The following B3GALT1 variants were observed in gnomAD, a reference collection of about 807,000 sequenced individuals.
B3GALT1 encodes the protein beta-1,3-galactosyltransferase 1, also known as UDP-Gal:betaGlcNAc beta 1,3-galactosyltransferase, polypeptide 1.
Under a neutral mutation model 23.2 loss-of-function variants are expected in B3GALT1, and 10 were observed. The ratio of observed to expected loss-of-function variants is 0.43; its 90% CI spans 0.27 to 0.73. The LOEUF (loss-of-function observed/expected upper bound fraction) is 0.73, where lower values mean the gene tolerates loss of function less well. B3GALT1 is among the 30% of genes least tolerant of loss of function. The probability of loss-of-function intolerance (pLI) is 0.21; values close to 1 mark genes in which losing one functional copy is unlikely to be tolerated. For synonymous variants in B3GALT1, 156 were observed against 141.5 expected (o/e 1.10, Z -0.73); for missense variants, 299 against 405.4 (o/e 0.74, Z 2.25).
intron 1 of B3GALT1, among the ~76,000 whole-genome samples, chr2:167,455,520 A>G (rs1699155122): frequency 6.6e-6 from 1 of 151,956 alleles, no homozygotes; most frequent in Non-Finnish European, 1.5e-5. Flanking sequence ...ATTTTTATTT[A>G]TGTGTTCTTC....
chr2:167,385,143 C>T (rs1044205975), intron 1 of B3GALT1, among the ~76,000 whole-genome samples: 6 of 152,148 alleles, frequency 3.9e-5, no homozygotes, highest in African/African-American at 1.4e-4. Context: ...GATCTCAGAA[C>T]CTCTGCTTTC....
chr2:167,543,889 A>C (rs1019326158), intron 2 of B3GALT1, among the ~76,000 whole-genome samples: 2 of 152,236 alleles, frequency 1.3e-5, no homozygotes, highest in Admixed American at 6.5e-5. Context: ...TTTTCCTTAC[A>C]TAACAAGAAG....
chr2:167,468,106 T>A (rs967373839), intron 1 of B3GALT1, among the ~76,000 whole-genome samples: 2 of 152,144 alleles, frequency 1.3e-5, no homozygotes, highest in Non-Finnish European at 2.9e-5. Flanking sequence ...AGCATATTTT[T>A]CTGGAGTGAT....
chr2:167,496,149 A>G (rs1240481843), intron 2 of B3GALT1, among the ~76,000 whole-genome samples: 1 of 152,116 alleles, frequency 6.6e-6, no homozygotes, highest in Non-Finnish European at 1.5e-5. Flanking sequence ...ACAGTAAATT[A>G]TTTTTATCAC....
intron 1 of B3GALT1, among the ~76,000 whole-genome samples, chr2:167,296,324 C>T (rs761892490): frequency 2.6e-5 from 4 of 152,070 alleles, no homozygotes; most frequent in Non-Finnish European, 5.9e-5. Flanking sequence ...AGTGTTTGTA[C>T]GTGAATAGGT....
At chr2:167,323,835 ATTC>A (rs1466404490) in intron 1 of B3GALT1, among the ~76,000 whole-genome samples, 4 of 151,100 alleles carry the variant, frequency 2.6e-5, no homozygotes, top group African/African-American at 9.7e-5. Context: ...ACATTCAGAA[ATTC>A]TTATTTTTTT....
chr2:167,828,760 C>A (rs1472350057), intron 4 of B3GALT1, among the ~76,000 whole-genome samples: 2 of 152,140 alleles, frequency 1.3e-5, no homozygotes, highest in Non-Finnish European at 2.9e-5. Context: ...AACAACCAAC[C>A]CTGTGTGGTT....
chr2:167,621,191 C>G (rs1453667657), intron 2 of B3GALT1, among the ~76,000 whole-genome samples: 1 of 148,572 alleles, frequency 6.7e-6, no homozygotes, highest in African/African-American at 2.5e-5. Context: ...GGGGCTCAAG[C>G]AATCCTGCCA....
At chr2:167,733,532 A>G (rs1687443149) in intron 3 of B3GALT1, among the ~76,000 whole-genome samples, 1 of 152,116 alleles carries the variant, frequency 6.6e-6, no homozygotes, top group African/African-American at 2.4e-5. Flanking sequence ...AGCCCTGAAT[A>G]GTTTCTCACT....
chr2:167,809,073 A>C (rs1688822925), intron 3 of B3GALT1, among the ~76,000 whole-genome samples: 1 of 152,194 alleles, frequency 6.6e-6, no homozygotes, highest in African/African-American at 2.4e-5. Context: ...CAGTTGATCG[A>C]ATCAGCTACT....
At chr2:167,663,276 A>G (rs1686104491) in intron 3 of B3GALT1, among the ~76,000 whole-genome samples, 1 of 152,016 alleles carries the variant, frequency 6.6e-6, no homozygotes, top group Admixed American at 6.6e-5. Flanking sequence ...ATGTCCCTAC[A>G]AAGGACATTA....
At position 167,327,577 on chromosome 2, in the gene B3GALT1, C is replaced by T. The variant is rs181470217; in HGVS notation, c.-511+34243C>T. Among the ~76,000 whole-genome samples the T allele has an allele frequency of 2.7e-3, 405 of 151,746 alleles. 2 individuals are homozygous for T. The highest frequency in any genetic ancestry group is 4.8e-3 in the Non-Finnish European group (326 of 67,784). Reference sequence around the variant, plus strand: ...TGATTTTTGTATGTTGATTTTCTGTCCTGGAACTTAACTGAATTTGTTTAT... The same window carrying T: ...TGATTTTTGTATGTTGATTTTCTGTTCTGGAACTTAACTGAATTTGTTTAT... On this transcript the variant is annotated intron_variant, in intron 1 of 4. Transcript: ENST00000392690.
chr2:167,328,280 A>C (rs1434057154), intron 1 of B3GALT1, among the ~76,000 whole-genome samples: 1 of 152,172 alleles, frequency 6.6e-6, no homozygotes, highest in Non-Finnish European at 1.5e-5. Context: ...TTTTGGGAAA[A>C]GTTTAGAGAA....
In B3GALT1 at chr2:167,868,900, G is replaced by C; in HGVS notation, c.-140G>C. The C allele has an allele frequency of 1.0e-6, 1 of 969,342 alleles. No homozygotes were observed. Among genetic ancestry groups the C allele is most frequent in the Non-Finnish European group, 1.5e-6 (1 of 658,504 alleles). 60.0% of individuals were successfully genotyped at this position (969,342 alleles called of 1,614,324 possible). A position where few individuals can be genotyped will look rare whatever the true frequency, so the allele number is the denominator to read the frequency against. On this transcript the variant is annotated 5_prime_UTR_variant, in exon 5 of 5. Transcript: ENST00000392690. ...GCAGAGGTGACAGACAGCCACTGAG[G>C]CCCATGGACAATCTCCACCTCACGC...
chr2:167,825,413 A>G (rs182191201), intron 4 of B3GALT1, among the ~76,000 whole-genome samples: 48 of 149,766 alleles, frequency 3.2e-4, no homozygotes, highest in African/African-American at 1.1e-3. Flanking sequence ...TCCAGAGAGA[A>G]AGAACCAATA....
intron 3 of B3GALT1, among the ~76,000 whole-genome samples, chr2:167,754,163 G>A (rs764591481): frequency 2.6e-5 from 4 of 152,152 alleles, no homozygotes; most frequent in Non-Finnish European, 4.4e-5. Flanking sequence ...GTGATGAATT[G>A]TTATCAAGTT....
chr2:167,654,087 G>T (rs1354574950), intron 3 of B3GALT1, among the ~76,000 whole-genome samples: 2 of 152,110 alleles, frequency 1.3e-5, no homozygotes, highest in African/African-American at 2.4e-5. Flanking sequence ...AGTCAGGTTG[G>T]CTGGTTGACA....
chr2:167,644,767 G>A (rs544971530), intron 2 of B3GALT1, among the ~76,000 whole-genome samples: 254 of 125,604 alleles, frequency 2.0e-3, no homozygotes, highest in African/African-American at 7.8e-3. Context: ...GTGACAGAGT[G>A]AGACTCTGTC....
intron 4 of B3GALT1, among the ~76,000 whole-genome samples, 92 bp from the exon 5 acceptor site, chr2:167,868,719 G>T (rs980281646): frequency 6.6e-6 from 1 of 152,144 alleles, no homozygotes; most frequent in Non-Finnish European, 1.5e-5. Context: ...TTTAATCCTT[G>T]AGGGCAATTC....
Sources: allele counts gnomAD v4.1 joint callset (sites outside exome capture counted in the v4.1 genomes callset), GRCh38; gene constraint gnomAD v4.1.1; transcripts MANE v1.5; gene names NCBI Gene and HGNC (gene_info 2026-07-23, HGNC 2026-07-21).